The following SLC24A4 variants were observed in gnomAD, a reference collection of about 807,000 sequenced individuals.
SLC24A4 encodes solute carrier family 24 member 4.
Under a neutral mutation model 79.0 loss-of-function variants are expected in SLC24A4, and 53 were observed. That is an observed-to-expected ratio of 0.67 (90% CI 0.54 to 0.84). SLC24A4 has a LOEUF of 0.84. Ranked by LOEUF, SLC24A4 falls within the 40% of genes least tolerant of loss-of-function variation. SLC24A4 has a pLI of 0.00. For missense variants in SLC24A4, 731 were observed against 822.0 expected, an observed-to-expected ratio of 0.89 and a Z score of 1.35; for synonymous variants, 323 against 323.8, an observed-to-expected ratio of 1.00 and a Z score of 0.03.
intron 2 of SLC24A4, among the ~76,000 whole-genome samples, chr14:92,413,004 G>A (rs892349703): frequency 1.3e-5 from 2 of 152,206 alleles, no homozygotes; most frequent in Admixed American, 6.5e-5. Context: ...CAGCCATGCC[G>A]ATTTGTTTAT....
At chr14:92,336,724 A>G (rs1566694045) in intron 2 of SLC24A4, among the ~76,000 whole-genome samples, 1 of 152,150 alleles carries the variant, frequency 6.6e-6, no homozygotes, top group Non-Finnish European at 1.5e-5. Context: ...CGCAAATACC[A>G]CGGTGGGGGA....
chr14:92,434,909 T>C (rs1385632306), intron 3 of SLC24A4, among the ~76,000 whole-genome samples: 1 of 152,106 alleles, frequency 6.6e-6, no homozygotes, highest in Non-Finnish European at 1.5e-5. Flanking sequence ...AAGTAGCTGG[T>C]ATTACAGGCA....
intron 2 of SLC24A4, among the ~76,000 whole-genome samples, chr14:92,402,083 C>G (rs1890145512): frequency 6.6e-6 from 1 of 152,086 alleles, no homozygotes; most frequent in African/African-American, 2.4e-5. Context: ...GATTGCAGTC[C>G]TCAGATAACA....
intron 14 of SLC24A4, among the ~76,000 whole-genome samples, chr14:92,487,474 T>C (rs75478446): frequency 0.018 from 2,750 of 151,852 alleles, 105 homozygotes; most frequent in East Asian, 0.17. Flanking sequence ...AAGAGAGAGG[T>C]TGGCTTTGGG....
In SLC24A4 at chr14:92,326,429, C is replaced by T. The variant is rs530771261; in HGVS notation, c.241+451C>T. Among the ~76,000 whole-genome samples, 19 of 152,284 alleles carry T rather than the reference C, an allele frequency of 1.2e-4. No homozygotes were observed. In the South Asian group the frequency reaches 2.9e-3, roughly 23 times the overall value. ...ACCGGGCAGCTGCAGGGGTGGGACA[C>T]TCTGGGGTGCTGCGGCTGTTTCTCT... On this transcript the variant is annotated intron_variant, in intron 2 of 16. Coordinates refer to ENST00000532405, the MANE Select transcript of SLC24A4 (RefSeq NM_153646.4).
intron 2 of SLC24A4, among the ~76,000 whole-genome samples, chr14:92,342,603 G>A (rs919943090): frequency 3.3e-5 from 5 of 152,026 alleles, no homozygotes; most frequent in Middle Eastern, 3.2e-3. Context: ...GGCTGGTCTC[G>A]AACTCCCGAC....
intron 12 of SLC24A4, among the ~76,000 whole-genome samples, chr14:92,474,382 G>A (rs1894596468): frequency 2.0e-5 from 3 of 152,156 alleles, no homozygotes; most frequent in South Asian, 2.1e-4. Context: ...CCCTGCCTGC[G>A]AGGGGCTTCC....
chr14:92,430,192 G>A (rs1891786007), intron 2 of SLC24A4, among the ~76,000 whole-genome samples: 1 of 152,182 alleles, frequency 6.6e-6, no homozygotes, highest in South Asian at 2.1e-4. Flanking sequence ...CCTCTGAGAG[G>A]AAGAGCTGCC....
At chr14:92,385,163 T>C (rs905701578) in intron 2 of SLC24A4, among the ~76,000 whole-genome samples, 2 of 152,328 alleles carry the variant, frequency 1.3e-5, no homozygotes, top group Non-Finnish European at 2.9e-5. Flanking sequence ...TCTTAGCACC[T>C]CTGCTAAGAC....
rs150312362 is a variant in SLC24A4, at chr14:92,381,926, T to C, written c.242-51986T>C. Among the ~76,000 whole-genome samples the C allele has an allele frequency of 3.7e-3, 558 of 152,324 alleles. 7 individuals are homozygous for C. The highest frequency in any genetic ancestry group is 0.013 in the African/African-American group (522 of 41,572). On this transcript the variant is annotated intron_variant, in intron 2 of 16. Transcript: ENST00000532405. ...GTTTTAGGCGGTCATGTATGTTCTTTAATTCACCACCTTTCAGAAATCTGT... is the reference window on the plus strand; with the variant it reads ...GTTTTAGGCGGTCATGTATGTTCTTCAATTCACCACCTTTCAGAAATCTGT...
intron 12 of SLC24A4, among the ~76,000 whole-genome samples, chr14:92,474,825 A>ATG (rs762949686): frequency 0.033 from 1,036 of 31,700 alleles, 35 homozygotes; most frequent in Non-Finnish European, 0.05. Flanking sequence ...ATATATACAT[A>ATG]TATATGTGTG....
chr14:92,446,736 C>T (rs1248879689), intron 8 of SLC24A4, among the ~76,000 whole-genome samples: 1 of 152,226 alleles, frequency 6.6e-6, no homozygotes, highest in Non-Finnish European at 1.5e-5. Flanking sequence ...AGTGAATGAA[C>T]AAGCTAAAGC....
At position 92,484,327 on chromosome 14, in the gene SLC24A4, C is replaced by T. The variant is rs1057411277; in HGVS notation, c.1422+1481C>T. 3 of 985,286 alleles carry T rather than the reference C, an allele frequency of 3.0e-6. No individual in the cohort carries two copies. In the African/African-American group the frequency reaches 5.2e-5, roughly 17 times the overall value. 61.0% of individuals were successfully genotyped at this position (985,286 alleles called of 1,614,324 possible). A position where few individuals can be genotyped will look rare whatever the true frequency, so the allele number is the denominator to read the frequency against. ...GACCTGCCGCAACCTCTGTGAGTGT[C>T]CTTACTCATGCAGCAGCCCTCCTGT... On this transcript the variant is annotated intron_variant, in intron 13 of 16. Transcript: ENST00000532405.
chr14:92,448,949 TC>T, intron 9 of SLC24A4, 124 bp from the exon 10 acceptor site: 3 of 1,168,456 alleles, frequency 2.6e-6, no homozygotes, highest in Non-Finnish European at 3.6e-6. Flanking sequence ...GCTCCACACC[TC>T]CCCTGCCACC....
intron 2 of SLC24A4, among the ~76,000 whole-genome samples, chr14:92,415,429 ATTT>A (rs1235026846): frequency 6.6e-6 from 1 of 151,894 alleles, no homozygotes; most frequent in Non-Finnish European, 1.5e-5. Flanking sequence ...CATGGATTTT[ATTT>A]TTTATGTTTT....
Position 92,441,979 on chromosome 14 carries a change from G to T in SLC24A4, c.394-110G>T, listed in dbSNP as rs952549352. ...TGAGAGGCTGCAGGCAGACGAGTTTGCCTCTGGCTGCAGCACTGCTCTCCT... is the reference window on the plus strand; with the variant it reads ...TGAGAGGCTGCAGGCAGACGAGTTTTCCTCTGGCTGCAGCACTGCTCTCCT... On this transcript the variant is annotated intron_variant, in intron 4 of 16. Coordinates refer to ENST00000532405, the MANE Select transcript of SLC24A4 (RefSeq NM_153646.4). The surrounding 1 kb of genome is among the most constrained non-coding windows in gnomAD (Gnocchi z 4.6). 1.3e-6 allele frequency: 1 copy of T among 790,946 alleles called. No homozygotes were observed. 49.0% of individuals were successfully genotyped at this position (790,946 alleles called of 1,614,324 possible).
intron 2 of SLC24A4, among the ~76,000 whole-genome samples, chr14:92,341,410 C>T (rs1886134252): frequency 6.6e-6 from 1 of 152,110 alleles, no homozygotes; most frequent in Admixed American, 6.5e-5. Context: ...GCCCGGTGCC[C>T]AGAAAGAGGT....
chr14:92,395,524 T>C (rs1297070665), intron 2 of SLC24A4, among the ~76,000 whole-genome samples: 3 of 152,010 alleles, frequency 2.0e-5, no homozygotes, highest in Non-Finnish European at 4.4e-5. Context: ...TAAGGCTAGC[T>C]CCAAAAACTT....
chr14:92,323,914 GGTGCTGGCCCTGGTGTGCT>G lies in SLC24A4; in HGVS notation c.89_107del (p.Leu30ArgfsTer29). The G allele has an allele frequency of 6.2e-7, 1 of 1,610,680 alleles. No individual in the cohort carries two copies. The highest frequency in any genetic ancestry group is 1.1e-5 in the South Asian group (1 of 90,962). ...CGCAGCAAGTCGGCTTCGTGTGCGC[GGTGCTGGCCCTGGTGTGCT>G]GTGCGTCCGGCCTCTTCGGCAGCTT... is the stretch of plus-strand genomic sequence containing the variant. On this transcript the variant is annotated frameshift_variant, in exon 1 of 17. Transcript: ENST00000532405. LOFTEE classifies it high-confidence loss of function. The surrounding 1 kb of genome is among the most constrained non-coding windows in gnomAD (Gnocchi z 4.9).
Sources: allele counts gnomAD v4.1 joint callset (sites outside exome capture counted in the v4.1 genomes callset), GRCh38; gene constraint gnomAD v4.1.1; non-coding constraint Gnocchi (gnomAD v3.1); transcripts MANE v1.5; gene names NCBI Gene and HGNC (gene_info 2026-07-23, HGNC 2026-07-21).